The following PCDHGA2 variants were observed in gnomAD, a reference collection of about 807,000 sequenced individuals.
PCDHGA2 encodes the protein protocadherin gamma-A2.
PCDHGA2 carries 40 observed loss-of-function variants against 59.2 expected under a neutral mutation model. The observed-to-expected ratio is 0.68, with a 90% confidence interval of 0.52 to 0.88. The LOEUF (loss-of-function observed/expected upper bound fraction) is 0.88. Ranked by LOEUF, PCDHGA2 falls within the 40% of genes least tolerant of loss-of-function variation. PCDHGA2 has a pLI of 0.00. For missense variants in PCDHGA2, 1,226 were observed against 1,204.0 expected, an observed-to-expected ratio of 1.02 and a Z score of -0.27; for synonymous variants, 560 against 526.0, an observed-to-expected ratio of 1.06 and a Z score of -0.89.
At chr5:141,383,580 C>A (rs935361844) in intron 1 of PCDHGA2, 1 of 1,613,642 alleles carries the variant, frequency 6.2e-7, no homozygotes, top group South Asian at 1.1e-5. Context: ...GCACCGCCCA[C>A]ATCCAGGTGA....
In PCDHGA2 at chr5:141,487,774, C is replaced by T. The variant is rs1272776899; in HGVS notation, c.2425-7033C>T. 2.0e-6 allele frequency: 3 copies of T among 1,534,064 alleles called. 1 individual carries two copies. The highest frequency in any genetic ancestry group is 2.6e-6 in the Non-Finnish European group (3 of 1,135,588). On this transcript the variant is annotated intron_variant, in intron 1 of 3. Transcript: ENST00000394576. The surrounding 1 kb of genome is among the most constrained non-coding windows in gnomAD (Gnocchi z 5.0). Reference sequence around the variant, plus strand: ...ATGTGGTAGACGCTGTGCTTTGTAACTGTTTCGTGAATTAACCAGAGTTGT... The same window carrying T: ...ATGTGGTAGACGCTGTGCTTTGTAATTGTTTCGTGAATTAACCAGAGTTGT...
intron 1 of PCDHGA2, among the ~76,000 whole-genome samples, chr5:141,481,794 A>C (rs1433830305): frequency 6.6e-6 from 1 of 152,136 alleles, no homozygotes; most frequent in East Asian, 1.9e-4. Context: ...TCTACTAAAA[A>C]TACAAAAATT....
intron 1 of PCDHGA2, chr5:141,415,051 C>G: frequency 6.2e-7 from 1 of 1,613,458 alleles, no homozygotes; most frequent in Non-Finnish European, 8.5e-7. Context: ...GGTGGGGGAG[C>G]ACACGGGCGA....
chr5:141,505,596 T>G (rs2099846990), intron 3 of PCDHGA2, 115 bp downstream of exon 3: 1 of 1,562,168 alleles, frequency 6.4e-7, no homozygotes, highest in African/African-American at 1.4e-5. Context: ...CTCCAGATCT[T>G]TCGGCAGGTC....
chr5:141,350,914 T>C, intron 1 of PCDHGA2: 1 of 1,614,086 alleles, frequency 6.2e-7, no homozygotes, highest in South Asian at 1.1e-5. Context: ...GGGACCCGCC[T>C]CTAAGCGGCA....
At chr5:141,480,982 C>T (rs1258067957) in intron 1 of PCDHGA2, among the ~76,000 whole-genome samples, 1 of 152,150 alleles carries the variant, frequency 6.6e-6, no homozygotes, top group African/African-American at 2.4e-5. Context: ...TCAGTGAACC[C>T]AGGATGTGGA....
intron 1 of PCDHGA2, among the ~76,000 whole-genome samples, chr5:141,436,896 A>C (rs567359498): frequency 6.6e-6 from 1 of 152,368 alleles, no homozygotes; most frequent in East Asian, 1.9e-4. Context: ...AAAGATTTTT[A>C]TATGAGACAA....
In PCDHGA2 at chr5:141,339,597, A is replaced by C; in HGVS notation, c.626A>C (p.His209Pro). 1 of 1,614,118 alleles carries C rather than the reference A, an allele frequency of 6.2e-7. No individual in the cohort carries two copies. Among genetic ancestry groups the C allele is most frequent in the Non-Finnish European group, 8.5e-7 (1 of 1,180,028 alleles). Residue 209 changes from histidine (H) to proline (P), a missense_variant, in exon 1 of 4, where the codon CAC (histidine) becomes CCC (proline). His to Pro is a moderately conservative substitution (Grantham distance 77). Coordinates refer to ENST00000394576, the MANE Select transcript of PCDHGA2 (RefSeq NM_018915.4). Reference protein sequence around the residue: ...SLDREEEAVHHLVLVASDGGD... With the variant: ...SLDREEEAVHPLVLVASDGGD... ...GACCGCGAGGAAGAGGCTGTTCACC[A>C]CCTCGTTCTCGTGGCTTCTGATGGG...
intron 1 of PCDHGA2, among the ~76,000 whole-genome samples, chr5:141,425,114 T>A (rs537694464): frequency 5.9e-5 from 9 of 152,326 alleles, no homozygotes; most frequent in African/African-American, 2.2e-4. Context: ...TGCCTACATT[T>A]TTCTTGAAGT....
Position 141,419,064 on chromosome 5 carries a change from A to G in PCDHGA2, c.2425-75743A>G, listed in dbSNP as rs149057484. ...ATTCATTCTTCTTCTAATAATTACT[A>G]CAAGCTAGTAACAGATGAGGCCCTG... On this transcript the variant is annotated intron_variant, in intron 1 of 3. Transcript: ENST00000394576. 51 of 1,613,962 alleles carry G rather than the reference A, an allele frequency of 3.2e-5. No homozygotes were observed. In the African/African-American group the frequency reaches 5.9e-4, roughly 19 times the overall value.
chr5:141,406,877 A>T (rs4912750), intron 1 of PCDHGA2, among the ~76,000 whole-genome samples: 9,155 of 152,322 alleles, frequency 0.06, 381 homozygotes, highest in Non-Finnish European at 0.089. Flanking sequence ...ACTGCTGGGA[A>T]GATTCTAAAA....
intron 1 of PCDHGA2, chr5:141,413,223 G>C (rs1454395834): frequency 6.2e-7 from 1 of 1,613,694 alleles, no homozygotes; most frequent in African/African-American, 1.3e-5. Flanking sequence ...ATTGCAGCGG[G>C]CTGGTCCTGC....
rs1438257730 is a variant in PCDHGA2, at chr5:141,477,587, C to G, written c.2425-17220C>G. 4.3e-6 allele frequency: 7 copies of G among 1,614,094 alleles called. 1 individual carries two copies. In the South Asian group the frequency reaches 7.7e-5, roughly 18 times the overall value. ...GGACCCCGACGCCCCGCAGAATGCT[C>G]GGCTTTCTTTCTTTCTCTTGGAGCA... On this transcript the variant is annotated intron_variant, in intron 1 of 3. Transcript: ENST00000394576. The surrounding 1 kb of genome is among the most constrained non-coding windows in gnomAD (Gnocchi z 4.9).
At chr5:141,380,103 A>T (rs1371621007) in intron 1 of PCDHGA2, among the ~76,000 whole-genome samples, 3 of 151,578 alleles carry the variant, frequency 2.0e-5, no homozygotes, top group Admixed American at 6.6e-5. Flanking sequence ...TTTTACCATG[A>T]TGGCCAGGCT....
intron 1 of PCDHGA2, among the ~76,000 whole-genome samples, chr5:141,474,096 CAACAAA>C (rs1262341033): frequency 1.3e-5 from 2 of 152,078 alleles, no homozygotes; most frequent in African/African-American, 4.8e-5. Context: ...AAACAAACAA[CAACAAA>C]AACAACAACA....
chr5:141,374,944 G>A (rs1405459227), intron 1 of PCDHGA2: 6 of 1,614,018 alleles, frequency 3.7e-6, no homozygotes, highest in Non-Finnish European at 5.1e-6. Context: ...TTACAGAAAA[G>A]ATCTCACAAA....
chr5:141,402,897 C>T (rs1177256058), intron 1 of PCDHGA2: 6 of 1,508,528 alleles, frequency 4.0e-6, no homozygotes, highest in Admixed American at 4.7e-5. Flanking sequence ...AAGAAAGAAC[C>T]TGATGAAGCA....
Position 141,491,665 on chromosome 5 carries a change from C to T in PCDHGA2, c.2425-3142C>T, listed in dbSNP as rs749918160. 6.2e-7 allele frequency: 1 copy of T among 1,613,764 alleles called. No homozygotes were observed. The highest frequency in any genetic ancestry group is 8.5e-7 in the Non-Finnish European group (1 of 1,180,000). On this transcript the variant is annotated intron_variant, in intron 1 of 3. Transcript: ENST00000394576. The surrounding 1 kb of genome is among the most constrained non-coding windows in gnomAD (Gnocchi z 6.9). ...TCTGGCGCTGGAGCCTGACGCCATCCGGTCCCGCTCTAATACGCTGCGGGA... is the reference window on the plus strand; with the variant it reads ...TCTGGCGCTGGAGCCTGACGCCATCTGGTCCCGCTCTAATACGCTGCGGGA...
rs2099693161 is a variant in PCDHGA2, at chr5:141,489,871, G to T, written c.2425-4936G>T. ...TGAAGCCCAGGCAAGACATCAGCTG[G>T]TGCTTACTGCTGTGGATGGGGGGAC... On this transcript the variant is annotated intron_variant, in intron 1 of 3. Coordinates refer to ENST00000394576, the MANE Select transcript of PCDHGA2 (RefSeq NM_018915.4). This position sits in a 1 kb window ranked among gnomAD's most constrained non-coding sequence, Gnocchi z 4.5. The T allele has an allele frequency of 6.2e-7, 1 of 1,614,088 alleles. No homozygotes were observed. Among genetic ancestry groups the T allele is most frequent in the Non-Finnish European group, 8.5e-7 (1 of 1,180,022 alleles).
Sources: allele counts gnomAD v4.1 joint callset (sites outside exome capture counted in the v4.1 genomes callset), GRCh38; gene constraint gnomAD v4.1.1; non-coding constraint Gnocchi (gnomAD v3.1); transcripts MANE v1.5; gene names NCBI Gene and HGNC (gene_info 2026-07-23, HGNC 2026-07-21).